FLRT1: variants seen among roughly 807,000 people sequenced by gnomAD.
FLRT1 encodes the protein fibronectin leucine rich transmembrane protein 1.
A neutral mutation model predicts 30.9 loss-of-function variants in FLRT1; 14 were observed. The observed-to-expected ratio is 0.45, with a 90% CI of 0.30 to 0.71. The LOEUF is 0.71. FLRT1 is among the 30% of genes least tolerant of loss of function. FLRT1 has a pLI of 0.08. For synonymous variants in FLRT1, 368 were observed against 430.4 expected, an observed-to-expected ratio of 0.85 and a Z score of 1.80; for missense variants, 737 against 949.2, an observed-to-expected ratio of 0.78 and a Z score of 2.94.
At chr11:64,051,925 G>A (rs551500413) in intron 1 of FLRT1, among the ~76,000 whole-genome samples, 62 of 151,928 alleles carry the variant, frequency 4.1e-4, no homozygotes, top group Non-Finnish European at 6.5e-4. Context: ...GTAGAGACTG[G>A]ATACTCCAAG....
intron 1 of FLRT1, among the ~76,000 whole-genome samples, chr11:64,065,517 C>CG (rs1943982475): frequency 6.6e-6 from 1 of 152,108 alleles, no homozygotes; most frequent in African/African-American, 2.4e-5. Context: ...GGGCCAGGCG[C>CG]GGTGGCTCAT....
chr11:64,065,852 C>A (rs938883774), intron 1 of FLRT1, among the ~76,000 whole-genome samples: 14 of 150,984 alleles, frequency 9.3e-5, no homozygotes, highest in African/African-American at 3.4e-4. Flanking sequence ...CACAGGCAGG[C>A]AGGTGGGAGA....
intron 1 of FLRT1, among the ~76,000 whole-genome samples, chr11:64,088,320 G>A (rs76899862): frequency 0.013 from 2,007 of 152,274 alleles, 51 homozygotes; most frequent in African/African-American, 0.046. Flanking sequence ...GTGGCCAGGC[G>A]GGGCCAGGGA....
At chr11:64,044,132 A>G (rs1274608248) in intron 1 of FLRT1, among the ~76,000 whole-genome samples, 6 of 152,094 alleles carry the variant, frequency 3.9e-5, no homozygotes, top group Non-Finnish European at 7.4e-5. Context: ...ATGGCATCTT[A>G]AAGCATATGC....
chr11:64,059,425 C>T (rs1176151857), intron 1 of FLRT1, among the ~76,000 whole-genome samples: 3 of 152,168 alleles, frequency 2.0e-5, no homozygotes, highest in African/African-American at 7.2e-5. Flanking sequence ...GATGTCCCCC[C>T]AGGGTTGGAG....
At chr11:64,070,529 A>G (rs978679196) in intron 1 of FLRT1, among the ~76,000 whole-genome samples, 3 of 152,304 alleles carry the variant, frequency 2.0e-5, no homozygotes, top group South Asian at 2.1e-4. Context: ...AGGCTGCCCG[A>G]GAGCAGAGCT....
intron 1 of FLRT1, among the ~76,000 whole-genome samples, chr11:64,081,043 A>G (rs1944293644): frequency 6.6e-6 from 1 of 152,118 alleles, no homozygotes; most frequent in African/African-American, 2.4e-5. Context: ...TTATTTTGAG[A>G]TGAAGTCTTG....
At chr11:64,039,266 C>T (rs1321055509) in intron 1 of FLRT1, among the ~76,000 whole-genome samples, 1 of 151,972 alleles carries the variant, frequency 6.6e-6, no homozygotes, top group East Asian at 1.9e-4. Context: ...AGGGTGCTAA[C>T]TGCCTATAGT....
intron 1 of FLRT1, among the ~76,000 whole-genome samples, chr11:64,063,242 C>T (rs1025082785): frequency 2.0e-5 from 3 of 152,022 alleles, no homozygotes; most frequent in Non-Finnish European, 2.9e-5. Context: ...TCAGTTTCCT[C>T]ATCTGAACAA....
rs1225073096 is a variant in FLRT1, at chr11:64,067,596, C to T, written c.-1038+31437C>T. On this transcript the variant is annotated intron_variant, in intron 1 of 2. Transcript: ENST00000682287. The surrounding 1 kb of genome is among the most constrained non-coding windows in gnomAD (Gnocchi z 4.6). ...ACCCAGGCTTGTCTCCCTCCTGTCC[C>T]TAGGTGGGTGACGCACCAACATGCC... Among the ~76,000 whole-genome samples, 2 of 152,104 alleles carry T rather than the reference C, an allele frequency of 1.3e-5. No individual in the cohort carries two copies. The highest frequency in any genetic ancestry group is 4.8e-5 in the African/African-American group (2 of 41,414).
chr11:64,062,801 G>A (rs1943929686), intron 1 of FLRT1, among the ~76,000 whole-genome samples: 1 of 152,066 alleles, frequency 6.6e-6, no homozygotes, highest in South Asian at 2.1e-4. Flanking sequence ...GCTTTATCAG[G>A]TGCCTGCCCA....
chr11:64,092,442 C>T (rs1190333019), intron 1 of FLRT1, among the ~76,000 whole-genome samples: 1 of 152,192 alleles, frequency 6.6e-6, no homozygotes, highest in Non-Finnish European at 1.5e-5. Flanking sequence ...TGGGGCCTCC[C>T]AGGGGCCTAT....
chr11:64,054,080 C>T (rs558711837), intron 1 of FLRT1, among the ~76,000 whole-genome samples: 1 of 152,112 alleles, frequency 6.6e-6, no homozygotes, highest in Non-Finnish European at 1.5e-5. Flanking sequence ...CCTCCACCTG[C>T]GAATGGGGAT....
intron 1 of FLRT1, among the ~76,000 whole-genome samples, chr11:64,049,081 C>T (rs1943641621): frequency 1.3e-5 from 2 of 151,800 alleles, no homozygotes; most frequent in Non-Finnish European, 2.9e-5. Context: ...GGGGCCTTTG[C>T]CTGCACTTTG....
At chr11:64,076,288 T>C (rs1002648052) in intron 1 of FLRT1, among the ~76,000 whole-genome samples, 2 of 151,998 alleles carry the variant, frequency 1.3e-5, no homozygotes, top group Non-Finnish European at 2.9e-5. Context: ...ACTGCATGGG[T>C]CAAAAGACCC....
chr11:64,088,770 A>G (rs773199970), intron 1 of FLRT1, among the ~76,000 whole-genome samples: 1 of 152,174 alleles, frequency 6.6e-6, no homozygotes, highest in Non-Finnish European at 1.5e-5. Flanking sequence ...GACAGCAGAC[A>G]GTAAGAGACT....
At chr11:64,093,308 TG>T (rs1229736195) in intron 1 of FLRT1, among the ~76,000 whole-genome samples, 1 of 152,224 alleles carries the variant, frequency 6.6e-6, no homozygotes, top group Non-Finnish European at 1.5e-5. Context: ...AGTCAGCTGC[TG>T]GTGTTGTCAC....
intron 1 of FLRT1, among the ~76,000 whole-genome samples, chr11:64,076,161 C>T (rs2134475269): frequency 6.6e-6 from 1 of 152,344 alleles, no homozygotes; most frequent in South Asian, 2.1e-4. Context: ...GCGACCTTCC[C>T]AGCTCCCAAC....
rs776450353 is a variant in FLRT1, at chr11:64,116,754, G to A, written c.487G>A (p.Val163Met). Residue 163 changes from valine to methionine, a missense_variant, in exon 3 of 3, where the codon GTG becomes ATG. Coordinates refer to ENST00000682287, the MANE Select transcript of FLRT1 (RefSeq NM_013280.5). The stretch of plus-strand genomic sequence containing the variant: ...GAAGCTGCACCTGGATGACAACTCC[G>A]TGTCCACCGTCAGCATTGAGGAGGA... The part of the protein sequence containing the change: ...LEKLHLDDNS[V>M]STVSIEEDAF... 9 of 1,613,438 alleles carry A rather than the reference G, an allele frequency of 5.6e-6. No individual in the cohort carries two copies. The highest frequency in any genetic ancestry group is 3.3e-5 in the Admixed American group (2 of 59,998).
Sources: allele counts gnomAD v4.1 joint callset (sites outside exome capture counted in the v4.1 genomes callset), GRCh38; gene constraint gnomAD v4.1.1; non-coding constraint Gnocchi (gnomAD v3.1); transcripts MANE v1.5; gene names NCBI Gene and HGNC (gene_info 2026-07-23, HGNC 2026-07-21).